The following VTA1 variants were observed in gnomAD, a reference collection of about 807,000 sequenced individuals.
VTA1 encodes vacuolar protein sorting-associated protein VTA1 homolog.
A neutral mutation model predicts 36.9 loss-of-function variants in VTA1; 24 were observed. The observed-to-expected ratio is 0.65, with a 90% CI of 0.47 to 0.91. The LOEUF (loss-of-function observed/expected upper bound fraction) is 0.91, where lower values mean the gene tolerates loss of function less well. Ranked by LOEUF, VTA1 falls within the 40% of genes least tolerant of loss-of-function variation. The probability of loss-of-function intolerance (pLI) is 0.00; values close to 1 mark genes in which losing one functional copy is unlikely to be tolerated. For synonymous variants in VTA1, 142 were observed against 130.2 expected, an observed-to-expected ratio of 1.09 and a Z score of -0.62; for missense variants, 393 against 377.2, an observed-to-expected ratio of 1.04 and a Z score of -0.35.
chr6:142,160,936 A>G lies in VTA1; in HGVS notation c.113-5292A>G, dbSNP rs528688510. 1.5e-4 allele frequency among the ~76,000 whole-genome samples: 23 copies of G among 152,268 alleles called. No individual in the cohort carries two copies. In the South Asian group the frequency reaches 4.8e-3, roughly 32 times the overall value. ...ATTCTTACCCTATACTTTGATTTTC[A>G]TTACATCATTTAATAGGAAGTCAGG... On this transcript the variant is annotated intron_variant, in intron 1 of 7. Transcript: ENST00000367630.
At position 142,183,952 on chromosome 6, in the gene VTA1, C is replaced by CTCATGCTT. The variant is rs372931924; in HGVS notation, c.412-5473_412-5466dup. ...AATTGGTTTAAACTTCTCTACACTG[C>CTCATGCTT]TCATGCTTAGATATTAGGACTGAAA... On this transcript the variant is annotated intron_variant, in intron 4 of 7. Transcript: ENST00000367630. 2.0e-3 allele frequency among the ~76,000 whole-genome samples: 301 copies of CTCATGCTT among 152,280 alleles called. 2 individuals carry two copies. Among genetic ancestry groups the CTCATGCTT allele is most frequent in the African/African-American group, 7.0e-3 (292 of 41,570 alleles).
intron 5 of VTA1, among the ~76,000 whole-genome samples, chr6:142,197,783 GA>G (rs1775581941): frequency 6.6e-6 from 1 of 151,928 alleles, no homozygotes; most frequent in African/African-American, 2.4e-5. Flanking sequence ...TTATTTTAAA[GA>G]AAAACATATT....
At chr6:142,150,963 T>C (rs1167961069) in intron 1 of VTA1, among the ~76,000 whole-genome samples, 1 of 150,226 alleles carries the variant, frequency 6.7e-6, no homozygotes, top group African/African-American at 2.5e-5. Context: ...AGCATTCTAA[T>C]TTGAGGGGAA....
chr6:142,199,627 AT>A, intron 6 of VTA1, among the ~76,000 whole-genome samples: 1 of 152,014 alleles, frequency 6.6e-6, no homozygotes, highest in East Asian at 1.9e-4. Flanking sequence ...CAAGTTTTCT[AT>A]TTTGACCATT....
rs890306602 is a variant in VTA1 at position 142,222,669 on chromosome 6, T to C, written c.*4026T>C. 1 of 51,082 alleles carries C rather than the reference T, an allele frequency of 2.0e-5. No homozygotes were observed. The highest frequency in any genetic ancestry group is 6.1e-5 in the Non-Finnish European group (1 of 16,472). 3.2% of individuals were successfully genotyped at this position (51,082 alleles called of 1,614,324 possible). On this transcript the variant is annotated 3_prime_UTR_variant, in exon 8 of 8. Coordinates refer to ENST00000367630, the MANE Select transcript of VTA1 (RefSeq NM_016485.5). The stretch of plus-strand genomic sequence containing the variant: ...GAGTTGATGGGTTTTGGTTTTCATA[T>C]GAGAAGTATCCTTCCCTGGTTGGTT...
chr6:142,194,396 G>GT (rs1775507394), intron 5 of VTA1, among the ~76,000 whole-genome samples: 1 of 152,070 alleles, frequency 6.6e-6, no homozygotes, highest in South Asian at 2.1e-4. Context: ...TGAACATAAT[G>GT]TATCTTTCCA....
At chr6:142,170,896 A>G (rs368806811) in intron 4 of VTA1, among the ~76,000 whole-genome samples, 24 of 151,720 alleles carry the variant, frequency 1.6e-4, no homozygotes, top group Admixed American at 1.2e-3. Flanking sequence ...AAAGTGCTGG[A>G]ATTACAGGTG....
intron 6 of VTA1, among the ~76,000 whole-genome samples, chr6:142,202,616 C>T (rs966385066): frequency 2.0e-5 from 3 of 151,632 alleles, no homozygotes; most frequent in African/African-American, 7.3e-5. Context: ...AAAACACACA[C>T]GCAAGTATGC....
chr6:142,158,209 C>A (rs1441923405), intron 1 of VTA1, among the ~76,000 whole-genome samples: 15 of 152,014 alleles, frequency 9.9e-5, no homozygotes, highest in Admixed American at 9.8e-4. Context: ...AGGGTGCAAA[C>A]AAATTACATG....
chr6:142,172,043 G>A (rs1775037511), intron 4 of VTA1, among the ~76,000 whole-genome samples: 1 of 152,024 alleles, frequency 6.6e-6, no homozygotes, highest in Admixed American at 6.6e-5. Flanking sequence ...TGAGTCTCTC[G>A]CTCTGTCACC....
intron 7 of VTA1, among the ~76,000 whole-genome samples, chr6:142,205,223 G>C (rs1439837070): frequency 6.6e-6 from 1 of 152,178 alleles, no homozygotes; most frequent in Non-Finnish European, 1.5e-5. Context: ...TGCCTGGGCA[G>C]TTTGTTACAC....
In VTA1 at chr6:142,218,775, T is replaced by C; in HGVS notation, c.*132T>C. 1 of 1,073,320 alleles carries C rather than the reference T, an allele frequency of 9.3e-7. No homozygotes were observed. The highest frequency in any genetic ancestry group is 1.9e-5 in the South Asian group (1 of 51,608). The allele number at this position is 1,073,320 out of a possible 1,614,324, so 66.5% of individuals were successfully genotyped here. A position where few individuals can be genotyped will look rare whatever the true frequency, so the allele number is the denominator to read the frequency against. On this transcript the variant is annotated 3_prime_UTR_variant, in exon 8 of 8. Coordinates refer to ENST00000367630, the MANE Select transcript of VTA1 (RefSeq NM_016485.5). ...TGAATATGACAATGAAATCTGTGTG[T>C]ATCAGATTTTTATTGAAGCATTCAT...
intron 1 of VTA1, among the ~76,000 whole-genome samples, chr6:142,162,593 GACTGATA>G (rs1774831610): frequency 6.6e-6 from 1 of 152,254 alleles, no homozygotes; most frequent in South Asian, 2.1e-4. Context: ...GCCCATTTGA[GACTGATA>G]ATTACGATAT....
At chr6:142,171,821 A>G (rs1006553005) in intron 4 of VTA1, among the ~76,000 whole-genome samples, 1 of 152,204 alleles carries the variant, frequency 6.6e-6, no homozygotes, top group African/African-American at 2.4e-5. Flanking sequence ...AGCTCTTAGT[A>G]AAGTCCCAAA....
chr6:142,168,011 T>C (rs553142926), intron 2 of VTA1, among the ~76,000 whole-genome samples: 3 of 152,344 alleles, frequency 2.0e-5, no homozygotes, highest in Admixed American at 1.3e-4. Flanking sequence ...ATCACATTTA[T>C]AAAGGGACTC....
At chr6:142,191,564 C>T (rs1336969719) in intron 5 of VTA1, among the ~76,000 whole-genome samples, 1 of 152,008 alleles carries the variant, frequency 6.6e-6, no homozygotes, top group Non-Finnish European at 1.5e-5. Flanking sequence ...TGGAAGTTGT[C>T]ATTTCTGTTA....
chr6:142,191,575 T>C (rs540810936), intron 5 of VTA1, among the ~76,000 whole-genome samples: 12 of 152,106 alleles, frequency 7.9e-5, no homozygotes, highest in African/African-American at 2.9e-4. Context: ...ATTTCTGTTA[T>C]TTATTTTCAT....
At chr6:142,204,184 G>A in intron 7 of VTA1, 119 bp downstream of exon 7, 4 of 888,310 alleles carry the variant, frequency 4.5e-6, no homozygotes, top group South Asian at 3.1e-5. Flanking sequence ...GAATTTCTAG[G>A]TAATTTGAAA....
intron 1 of VTA1, among the ~76,000 whole-genome samples, chr6:142,151,704 G>A (rs1431994809): frequency 6.6e-6 from 1 of 152,186 alleles, no homozygotes; most frequent in Non-Finnish European, 1.5e-5. Context: ...TCGGCTCTGA[G>A]GTTTTTTGTT....
Sources: gnomAD v4.1 joint callset for allele counts (sites outside exome capture counted in the v4.1 genomes callset) on GRCh38, gnomAD v4.1.1 for gene constraint, MANE v1.5 for transcripts, NCBI Gene and HGNC (gene_info 2026-07-23, HGNC 2026-07-21) for gene names.